The following HS6ST3 variants were observed in gnomAD, a reference collection of about 807,000 sequenced individuals.
HS6ST3 encodes heparan sulfate 6-O-sulfotransferase 3.
Under a neutral mutation model 36.7 loss-of-function variants are expected in HS6ST3, and 12 were observed. The ratio of observed to expected loss-of-function variants is 0.33; its 90% CI spans 0.21 to 0.53. The LOEUF (loss-of-function observed/expected upper bound fraction) is 0.53, where lower values mean the gene tolerates loss of function less well. Among genes scored for constraint, HS6ST3 ranks in the 20% least tolerant of loss-of-function variants. The probability of loss-of-function intolerance (pLI) is 0.95; values close to 1 mark genes in which losing one functional copy is unlikely to be tolerated. For synonymous variants in HS6ST3, 240 were observed against 257.5 expected (o/e 0.93, Z 0.65); for missense variants, 584 against 640.9 (o/e 0.91, Z 0.96).
chr13:96,706,621 G>A (rs1462685530), intron 1 of HS6ST3, among the ~76,000 whole-genome samples: 6 of 151,710 alleles, frequency 4.0e-5, no homozygotes, highest in Non-Finnish European at 7.4e-5. Flanking sequence ...ATGAGTTTGA[G>A]AGAGCGGAGT....
chr13:96,540,992 A>C (rs900740067), intron 1 of HS6ST3, among the ~76,000 whole-genome samples: 1 of 152,132 alleles, frequency 6.6e-6, no homozygotes, highest in Non-Finnish European at 1.5e-5. Context: ...AAAATCTTAG[A>C]GCTGGGAAGG....
chr13:96,429,094 A>G (rs2139473279), intron 1 of HS6ST3, among the ~76,000 whole-genome samples: 1 of 152,340 alleles, frequency 6.6e-6, no homozygotes, highest in South Asian at 2.1e-4. Context: ...TTCAGCCAAA[A>G]GAAGAAATTG....
chr13:96,477,248 T>C (rs1218987941), intron 1 of HS6ST3, among the ~76,000 whole-genome samples: 2 of 152,162 alleles, frequency 1.3e-5, no homozygotes, highest in African/African-American at 4.8e-5. Flanking sequence ...GCAATGTGCC[T>C]TTTGAGCTGG....
intron 1 of HS6ST3, among the ~76,000 whole-genome samples, chr13:96,357,818 G>A (rs1256367541): frequency 2.0e-5 from 3 of 152,060 alleles, no homozygotes; most frequent in Non-Finnish European, 4.4e-5. Flanking sequence ...CATTGCAGCT[G>A]GCCAAGTTCA....
intron 1 of HS6ST3, among the ~76,000 whole-genome samples, chr13:96,650,639 T>A (rs1006744725): frequency 6.6e-6 from 1 of 152,032 alleles, no homozygotes; most frequent in African/African-American, 2.4e-5. Context: ...CCAAGAGGTG[T>A]ATGGAAACTT....
chr13:96,565,249 G>A (rs1433053178), intron 1 of HS6ST3, among the ~76,000 whole-genome samples: 1 of 152,088 alleles, frequency 6.6e-6, no homozygotes, highest in East Asian at 1.9e-4. Flanking sequence ...GAGTGGAGAA[G>A]TGGTAGTTAA....
intron 1 of HS6ST3, among the ~76,000 whole-genome samples, chr13:96,721,255 T>G (rs1216860020): frequency 2.0e-5 from 3 of 152,188 alleles, no homozygotes; most frequent in Non-Finnish European, 2.9e-5. Context: ...TATATCTTTA[T>G]CTACTTAATG....
At chr13:96,244,769 G>C (rs1435844388) in intron 1 of HS6ST3, among the ~76,000 whole-genome samples, 1 of 152,094 alleles carries the variant, frequency 6.6e-6, no homozygotes, top group African/African-American at 2.4e-5. Flanking sequence ...ATTCTGCCAG[G>C]GATCGAAATC....
intron 1 of HS6ST3, among the ~76,000 whole-genome samples, chr13:96,585,131 A>G (rs1207186838): frequency 2.6e-5 from 4 of 152,184 alleles, no homozygotes; most frequent in Admixed American, 1.3e-4. Flanking sequence ...TTGTTGTACT[A>G]TATTACTAAT....
intron 1 of HS6ST3, among the ~76,000 whole-genome samples, chr13:96,601,145 T>C (rs2056420216): frequency 6.6e-6 from 1 of 152,188 alleles, no homozygotes; most frequent in South Asian, 2.1e-4. Flanking sequence ...TATGCTTCGG[T>C]GATGTCCTTT....
At chr13:96,280,872 C>G (rs763261626) in intron 1 of HS6ST3, among the ~76,000 whole-genome samples, 8 of 152,134 alleles carry the variant, frequency 5.3e-5, no homozygotes, top group Non-Finnish European at 1.2e-4. Context: ...CTTTGTAAAA[C>G]AAATGCTAAT....
intron 1 of HS6ST3, among the ~76,000 whole-genome samples, chr13:96,300,273 T>A (rs1039287690): frequency 6.6e-6 from 1 of 151,810 alleles, no homozygotes; most frequent in Non-Finnish European, 1.5e-5. Flanking sequence ...GCCAGGCTGG[T>A]CTCAAACTCT....
intron 1 of HS6ST3, among the ~76,000 whole-genome samples, chr13:96,539,274 T>C (rs943175742): frequency 2.0e-5 from 3 of 152,230 alleles, no homozygotes; most frequent in African/African-American, 7.2e-5. Flanking sequence ...AACCTTAATC[T>C]GAGCTCCAAT....
At chr13:96,326,061 G>C (rs1156611864) in intron 1 of HS6ST3, among the ~76,000 whole-genome samples, 1 of 152,226 alleles carries the variant, frequency 6.6e-6, no homozygotes, top group South Asian at 2.1e-4. Context: ...GTGAATTATA[G>C]TCTAAAGATA....
chr13:96,462,506 C>T (rs2055789727), intron 1 of HS6ST3, among the ~76,000 whole-genome samples: 1 of 152,186 alleles, frequency 6.6e-6, no homozygotes, highest in African/African-American at 2.4e-5. Flanking sequence ...ACAAAACCTA[C>T]AATAAGCATA....
intron 1 of HS6ST3, among the ~76,000 whole-genome samples, chr13:96,822,565 C>G (rs928026947): frequency 2.6e-5 from 4 of 152,198 alleles, no homozygotes; most frequent in African/African-American, 9.6e-5. Context: ...CAATATAAGG[C>G]AGCGACGTGA....
At chr13:96,355,064 A>G (rs1233325852) in intron 1 of HS6ST3, among the ~76,000 whole-genome samples, 1 of 152,206 alleles carries the variant, frequency 6.6e-6, no homozygotes, top group Non-Finnish European at 1.5e-5. Context: ...GCAGATATAA[A>G]TGGTCAAATT....
intron 1 of HS6ST3, among the ~76,000 whole-genome samples, chr13:96,289,601 T>C (rs1345245119): frequency 1.3e-5 from 2 of 152,096 alleles, no homozygotes; most frequent in African/African-American, 4.8e-5. Context: ...AATTAAAAAA[T>C]AAAATTCAAG....
chr13:96,721,024 G>A (rs917029744), intron 1 of HS6ST3, among the ~76,000 whole-genome samples: 3 of 152,118 alleles, frequency 2.0e-5, no homozygotes, highest in African/African-American at 2.4e-5. Flanking sequence ...AAAGACTTAC[G>A]TGAGCAGATA....
Sources: allele counts gnomAD v4.1 joint callset (sites outside exome capture counted in the v4.1 genomes callset), GRCh38; gene constraint gnomAD v4.1.1; transcripts MANE v1.5; gene names NCBI Gene and HGNC (gene_info 2026-07-23, HGNC 2026-07-21).